The following MAP7 variants were observed in gnomAD, a reference collection of about 807,000 sequenced individuals.
MAP7 encodes microtubule associated protein 7, also known as ensconsin.
MAP7 carries 52 observed loss-of-function variants against 94.8 expected under a neutral mutation model. The ratio of observed to expected loss-of-function variants is 0.55; its 90% CI spans 0.44 to 0.69. MAP7 has a LOEUF of 0.69. Among genes scored for constraint, MAP7 ranks in the 30% least tolerant of loss-of-function variants. MAP7 has a pLI of 0.00. For missense variants in MAP7, 940 were observed against 964.6 expected (o/e 0.97, Z 0.34); for synonymous variants, 350 against 357.0 (o/e 0.98, Z 0.22).
intron 16 of MAP7, among the ~76,000 whole-genome samples, chr6:136,356,404 A>T (rs555256703): frequency 6.6e-6 from 1 of 152,204 alleles, no homozygotes; most frequent in Admixed American, 6.5e-5. Flanking sequence ...AGCCTTAAGT[A>T]ATCCTCCCTC....
chr6:136,409,649 C>A (rs541505100), intron 3 of MAP7, among the ~76,000 whole-genome samples: 11 of 152,212 alleles, frequency 7.2e-5, no homozygotes, highest in Non-Finnish European at 1.5e-4. Context: ...TTGGGTGGCA[C>A]CTGGCAAAGC....
At chr6:136,358,706 A>C (rs1791673216) in intron 15 of MAP7, among the ~76,000 whole-genome samples, 1 of 152,250 alleles carries the variant, frequency 6.6e-6, no homozygotes, top group Non-Finnish European at 1.5e-5. Flanking sequence ...GTTTGTAAAC[A>C]GAAAAAGAAA....
intron 1 of MAP7, among the ~76,000 whole-genome samples, chr6:136,481,058 A>G (rs987296841): frequency 3.9e-5 from 6 of 152,192 alleles, no homozygotes; most frequent in African/African-American, 1.4e-4. Flanking sequence ...GCAAATCAAA[A>G]CTACAATGAG....
At chr6:136,360,957 G>T in intron 12 of MAP7, 48 bp downstream of exon 12, 8 of 1,546,754 alleles carry the variant, frequency 5.2e-6, no homozygotes, top group Non-Finnish European at 6.1e-6. Context: ...GGGCTGGGGC[G>T]TCTCCCTGCG....
chr6:136,434,176 G>A (rs1283559837), intron 1 of MAP7, among the ~76,000 whole-genome samples: 3 of 151,942 alleles, frequency 2.0e-5, no homozygotes, highest in Admixed American at 6.6e-5. Context: ...GCGTGGTGGT[G>A]GGCGCCTGTA....
At chr6:136,527,204 C>A (rs1456808080) in intron 1 of MAP7, among the ~76,000 whole-genome samples, 1 of 152,172 alleles carries the variant, frequency 6.6e-6, no homozygotes, top group Non-Finnish European at 1.5e-5. Context: ...AATCATGTGA[C>A]TATTGTTTTC....
At chr6:136,502,986 A>G (rs1477929500) in intron 1 of MAP7, among the ~76,000 whole-genome samples, 2 of 152,158 alleles carry the variant, frequency 1.3e-5, no homozygotes, top group African/African-American at 4.8e-5. Flanking sequence ...ACTCTACAAT[A>G]ATAAAAGAAA....
rs10634782 is a variant in MAP7, at chr6:136,498,749, ATGTG to A, written c.67+51589_67+51592del. On this transcript the variant is annotated intron_variant, in intron 1 of 17. Transcript: ENST00000354570. Reference sequence around the variant, plus strand: ...CTTGGGCAATTGTACCTATATGGCAATGTGTGTGTGTGTGTGTGTGTGTGGAAAA... The same window carrying A: ...CTTGGGCAATTGTACCTATATGGCAATGTGTGTGTGTGTGTGTGTGGAAAA... Among the ~76,000 whole-genome samples, 3 of 148,948 alleles carry A rather than the reference ATGTG, an allele frequency of 2.0e-5. 1 individual carries two copies. The highest frequency in any genetic ancestry group is 4.9e-5 in the African/African-American group (2 of 40,526).
intron 1 of MAP7, among the ~76,000 whole-genome samples, chr6:136,497,357 G>A (rs1818559717): frequency 2.0e-5 from 3 of 151,948 alleles, no homozygotes; most frequent in East Asian, 1.9e-4. Context: ...TTTCACCACC[G>A]CAGTGTAAAT....
At chr6:136,417,925 G>A (rs921516653) in intron 2 of MAP7, among the ~76,000 whole-genome samples, 1 of 152,172 alleles carries the variant, frequency 6.6e-6, no homozygotes, top group Admixed American at 6.5e-5. Context: ...GAATTCAGAA[G>A]GATTTTTAAT....
intron 1 of MAP7, among the ~76,000 whole-genome samples, chr6:136,515,694 C>T (rs886417426): frequency 4.6e-5 from 7 of 152,164 alleles, no homozygotes; most frequent in African/African-American, 1.4e-4. Context: ...GTTAAGTTTG[C>T]TATCTTATGT....
intron 1 of MAP7, chr6:136,526,405 T>C (rs56883346): frequency 0.035 from 34,567 of 988,424 alleles, 3,779 homozygotes; most frequent in African/African-American, 0.35. Flanking sequence ...AGCACCTTTT[T>C]CCAATCTTCT....
intron 1 of MAP7, chr6:136,476,182 T>C (rs1323029593): frequency 6.6e-6 from 1 of 152,178 alleles, no homozygotes; most frequent in Non-Finnish European, 1.5e-5. Flanking sequence ...GTCTCCTCCC[T>C]AGCCTGGTTT....
chr6:136,392,043 C>T (rs1485546788), intron 3 of MAP7, among the ~76,000 whole-genome samples: 1 of 152,198 alleles, frequency 6.6e-6, no homozygotes, highest in Admixed American at 6.5e-5. Context: ...TGACAACGTA[C>T]ACCATGCACC....
chr6:136,402,224 C>G (rs141619602), intron 3 of MAP7, among the ~76,000 whole-genome samples: 1 of 152,216 alleles, frequency 6.6e-6, no homozygotes, highest in Non-Finnish European at 1.5e-5. Flanking sequence ...ACACTCCAGA[C>G]GGTAGCTACT....
intron 7 of MAP7, among the ~76,000 whole-genome samples, chr6:136,374,935 T>C (rs1775650104): frequency 6.6e-6 from 1 of 152,168 alleles, no homozygotes; most frequent in South Asian, 2.1e-4. Context: ...TATATAGTTA[T>C]TTTTTCCCAG....
At chr6:136,492,545 G>A (rs1265070358) in intron 1 of MAP7, among the ~76,000 whole-genome samples, 1 of 152,172 alleles carries the variant, frequency 6.6e-6, no homozygotes, top group Admixed American at 6.5e-5. Context: ...GGAAAAAGCA[G>A]TTACATTTCT....
At chr6:136,400,528 T>C (rs752995212) in intron 3 of MAP7, among the ~76,000 whole-genome samples, 51 of 151,918 alleles carry the variant, frequency 3.4e-4, no homozygotes, top group Non-Finnish European at 6.5e-4. Flanking sequence ...AACACCTAGC[T>C]ATGTTGTTTA....
intron 1 of MAP7, among the ~76,000 whole-genome samples, chr6:136,438,109 C>A (rs1796856565): frequency 6.6e-6 from 1 of 152,186 alleles, no homozygotes; most frequent in Non-Finnish European, 1.5e-5. Context: ...AAACCCTTAA[C>A]TGATACTATA....
Sources: allele counts gnomAD v4.1 joint callset (sites outside exome capture counted in the v4.1 genomes callset), GRCh38; gene constraint gnomAD v4.1.1; transcripts MANE v1.5; gene names NCBI Gene and HGNC (gene_info 2026-07-23, HGNC 2026-07-21).